Variants in DDX60 observed in about 807,000 individuals in gnomAD.
DDX60 encodes the protein DExD/H-box helicase 60, also known as probable ATP-dependent RNA helicase DDX60.
DDX60 carries 165 observed loss-of-function variants against 212.8 expected under a neutral mutation model. The observed-to-expected ratio is 0.78, with a 90% CI of 0.68 to 0.88. The LOEUF is 0.88. Among genes scored for constraint, DDX60 ranks in the 40% least tolerant of loss-of-function variants. DDX60 has a pLI of 0.00. For synonymous variants in DDX60, 703 were observed against 685.3 expected (o/e 1.03, Z -0.40); for missense variants, 1,905 against 2,003.9 (o/e 0.95, Z 0.94).
At chr4:168,316,292 T>C (rs1432888743) in intron 1 of DDX60, among the ~76,000 whole-genome samples, 1 of 152,204 alleles carries the variant, frequency 6.6e-6, no homozygotes, top group East Asian at 1.9e-4. Flanking sequence ...ACTCATAATT[T>C]TGTCACTGCT....
At chr4:168,221,120 G>T (rs1452233691) in intron 36 of DDX60, among the ~76,000 whole-genome samples, 2 of 152,064 alleles carry the variant, frequency 1.3e-5, no homozygotes, top group Non-Finnish European at 2.9e-5. Flanking sequence ...AAGAGTGTCA[G>T]ATATTTTAAT....
At chr4:168,261,105 T>C (rs2149511495) in intron 24 of DDX60, 116 bp from the exon 25 acceptor site, 1 of 1,101,252 alleles carries the variant, frequency 9.1e-7, no homozygotes, top group Non-Finnish European at 1.3e-6. Flanking sequence ...TTTTTTAAAA[T>C]AGTCCTATGA....
At chr4:168,225,358 C>A (rs547427735) in intron 34 of DDX60, among the ~76,000 whole-genome samples, 171 bp downstream of exon 34, 28 of 152,080 alleles carry the variant, frequency 1.8e-4, no homozygotes, top group African/African-American at 6.5e-4. Flanking sequence ...TCTCTTTTGC[C>A]CTTTTAATGT....
At chr4:168,266,161 T>C (rs1275795161) in intron 22 of DDX60, among the ~76,000 whole-genome samples, 1 of 152,230 alleles carries the variant, frequency 6.6e-6, no homozygotes, top group African/African-American at 2.4e-5. Context: ...GATGCAACAC[T>C]GAGTTAGTTA....
rs564614342 is a variant in DDX60, at chr4:168,271,950, T to A, written c.2670+93A>T. 6 of 1,019,524 alleles carry A rather than the reference T, an allele frequency of 5.9e-6. No homozygotes were observed. The African/African-American group carries it at 6.4e-5, about 11-fold the overall frequency. 63.2% of individuals were successfully genotyped at this position (1,019,524 alleles called of 1,614,324 possible). ...GGAGGCCTTCTCAATCTGAACTCCA[T>A]CCAAGGGGATAGATGTCCTGAAACA... On this transcript the variant is annotated intron_variant, in intron 19 of 37. Coordinates refer to ENST00000393743, the MANE Select transcript of DDX60 (RefSeq NM_017631.6).
intron 33 of DDX60, among the ~76,000 whole-genome samples, chr4:168,229,665 AG>A (rs1733377722): frequency 6.6e-6 from 1 of 152,048 alleles, no homozygotes; most frequent in Non-Finnish European, 1.5e-5. Context: ...AAATAAATTC[AG>A]CGCTATTGGG....
chr4:168,234,622 A>G (rs1733568692), intron 33 of DDX60, among the ~76,000 whole-genome samples: 1 of 151,902 alleles, frequency 6.6e-6, no homozygotes, highest in Admixed American at 6.6e-5. Context: ...TATAATCCTT[A>G]TATGTTAATG....
intron 32 of DDX60, 47 bp downstream of exon 32, chr4:168,237,239 A>T: frequency 7.7e-7 from 1 of 1,291,210 alleles, no homozygotes. Flanking sequence ...ATCTGTTGCT[A>T]TTTTTGGACT....
At chr4:168,225,437 C>T in intron 34 of DDX60, 92 bp downstream of exon 34, 1 of 1,321,962 alleles carries the variant, frequency 7.6e-7, no homozygotes. Context: ...AATAAACTTT[C>T]TGGGGTTCCA....
intron 30 of DDX60, among the ~76,000 whole-genome samples, chr4:168,239,862 A>C (rs1733775973): frequency 6.6e-6 from 1 of 151,968 alleles, no homozygotes; most frequent in Non-Finnish European, 1.5e-5. Context: ...AAAAGATCTG[A>C]CCTATGAAAA....
intron 3 of DDX60, 36 bp downstream of exon 3, chr4:168,310,962 A>G (rs759847233): frequency 1.3e-5 from 16 of 1,259,828 alleles, no homozygotes; most frequent in Non-Finnish European, 1.6e-5. Context: ...AACATGAGCT[A>G]TGATTTCCCG....
intron 6 of DDX60, among the ~76,000 whole-genome samples, chr4:168,296,540 C>T (rs184486321): frequency 2.0e-5 from 3 of 152,104 alleles, no homozygotes; most frequent in Admixed American, 1.3e-4. Context: ...AATAAACAAA[C>T]TAACAAAAAC....
At chr4:168,237,206 C>A in intron 32 of DDX60, 80 bp downstream of exon 32, 1 of 989,590 alleles carries the variant, frequency 1.0e-6, no homozygotes, top group Non-Finnish European at 1.3e-6. Context: ...TAAAAATATT[C>A]CTGAAGTGTT....
chr4:168,254,014 C>T (rs761654242), intron 26 of DDX60, among the ~76,000 whole-genome samples: 2 of 152,210 alleles, frequency 1.3e-5, no homozygotes, highest in African/African-American at 2.4e-5. Flanking sequence ...CAGGGGAGAA[C>T]GCTCTGACTA....
intron 3 of DDX60, among the ~76,000 whole-genome samples, chr4:168,308,408 G>C (rs13435587): frequency 0.015 from 2,324 of 152,194 alleles, 73 homozygotes; most frequent in African/African-American, 0.052. Context: ...CTTAGGCTCA[G>C]AGAGCAAAGT....
chr4:168,319,619 T>C (rs181012563), upstream of DDX60, among the ~76,000 whole-genome samples: 6 of 152,346 alleles, frequency 3.9e-5, no homozygotes, highest in Admixed American at 3.3e-4. Context: ...TCTTAATTTT[T>C]GCCTGTTGAT....
At chr4:168,239,758 T>C (rs1289563748) in intron 30 of DDX60, among the ~76,000 whole-genome samples, 1 of 151,984 alleles carries the variant, frequency 6.6e-6, no homozygotes, top group African/African-American at 2.4e-5. Flanking sequence ...GCAGGCCATA[T>C]GGGAAAGAGG....
chr4:168,251,551 T>C (rs11724338), intron 27 of DDX60, among the ~76,000 whole-genome samples: 3,395 of 152,236 alleles, frequency 0.022, 210 homozygotes, highest in East Asian at 0.15. Context: ...AATATCCAGG[T>C]CTTAAAGAAG....
At chr4:168,219,053 G>A (rs1732951370) in intron 37 of DDX60, among the ~76,000 whole-genome samples, 1 of 151,914 alleles carries the variant, frequency 6.6e-6, no homozygotes, top group African/African-American at 2.4e-5. Flanking sequence ...GGCCAAGGCG[G>A]GTGGATTGCC....
Sources: allele counts gnomAD v4.1 joint callset (sites outside exome capture counted in the v4.1 genomes callset), GRCh38; gene constraint gnomAD v4.1.1; transcripts MANE v1.5; gene names NCBI Gene and HGNC (gene_info 2026-07-23, HGNC 2026-07-21).